Variants in LRRC8C observed in about 807,000 individuals in gnomAD.
The protein encoded by LRRC8C is volume-regulated anion channel subunit LRRC8C.
In LRRC8C, 20 loss-of-function variants were observed where a neutral mutation model predicts 55.3. The observed-to-expected ratio is 0.36, with a 90% CI of 0.25 to 0.53. The LOEUF is 0.53. LRRC8C is among the 20% of genes least tolerant of loss of function. LRRC8C has a pLI of 0.92. For missense variants in LRRC8C, 659 were observed against 951.4 expected (o/e 0.69, Z 4.04); for synonymous variants, 376 against 360.7 (o/e 1.04, Z -0.48).
rs750560887 is a variant in LRRC8C, at chr1:89,686,630, G to A, written c.138+19G>A. 6.2e-7 allele frequency: 1 copy of A among 1,613,098 alleles called. No homozygotes were observed. Among genetic ancestry groups the A allele is most frequent in the South Asian group, 1.1e-5 (1 of 91,014 alleles). ...TTTACAGGTAGGTGCCTAGATCCCTGGCAAAATGGGGGCCAGAGCAAAGCA... is the reference window on the plus strand; with the variant it reads ...TTTACAGGTAGGTGCCTAGATCCCTAGCAAAATGGGGGCCAGAGCAAAGCA... On this transcript the variant is annotated intron_variant, in intron 2 of 2. Transcript: ENST00000370454.
chr1:89,695,332 G>A (rs1658145352), intron 2 of LRRC8C, among the ~76,000 whole-genome samples: 2 of 152,182 alleles, frequency 1.3e-5, no homozygotes, highest in African/African-American at 4.8e-5. Context: ...AATAGGGTCA[G>A]CTATCTTAAA....
upstream of LRRC8C, chr1:89,632,896 C>G (rs1184768149): frequency 6.6e-6 from 1 of 152,332 alleles, no homozygotes; most frequent in Non-Finnish European, 1.5e-5. Flanking sequence ...TGGCGAGTCC[C>G]GGGAGCGAGG....
Position 89,714,868 on chromosome 1 carries a change from C to T in LRRC8C, c.2298C>T (p.Ile766=). ...YLDVKGNHFE[I]LPPELGDCRA... ...ATGTAAAAGGTAATCACTTTGAAAT[C>T]CTCCCTCCTGAACTGGGTGACTGTC... Residue 766 remains isoleucine (I), a synonymous_variant, in exon 3 of 3, where the codon ATC becomes ATT. Coordinates refer to ENST00000370454, the MANE Select transcript of LRRC8C (RefSeq NM_032270.5). This position sits in a 1 kb window ranked among gnomAD's most constrained non-coding sequence, Gnocchi z 4.6. 3 of 1,614,142 alleles carry T rather than the reference C, an allele frequency of 1.9e-6. No homozygotes were observed. Among genetic ancestry groups the T allele is most frequent in the Non-Finnish European group, 2.5e-6 (3 of 1,179,994 alleles).
intron 1 of LRRC8C, among the ~76,000 whole-genome samples, chr1:89,643,451 G>C (rs1438713002): frequency 6.6e-6 from 1 of 152,208 alleles, no homozygotes; most frequent in Non-Finnish European, 1.5e-5. Flanking sequence ...GTCTCAATGT[G>C]TATAGTAATG....
chr1:89,716,377 A>G lies in LRRC8C; in HGVS notation c.*1395A>G, dbSNP rs1658818595. On this transcript the variant is annotated 3_prime_UTR_variant, in exon 3 of 3. Transcript: ENST00000370454. ...CCTGCCCTTGCTGTGAACTAGTGCT[A>G]CAAGCACGGGAAATCCATCTGCTCT... The G allele has an allele frequency of 6.6e-6, 1 of 152,210 alleles. No homozygotes were observed. The allele number at this position is 152,210 out of a possible 1,614,324, so 9.4% of individuals were successfully genotyped here. A position where few individuals can be genotyped will look rare whatever the true frequency, so the allele number is the denominator to read the frequency against.
At chr1:89,699,273 G>T (rs1308182717) in intron 2 of LRRC8C, among the ~76,000 whole-genome samples, 3 of 152,176 alleles carry the variant, frequency 2.0e-5, no homozygotes, top group Non-Finnish European at 4.4e-5. Context: ...TTTTAGGGCA[G>T]TGAAATGACT....
At chr1:89,633,736 C>A (rs1656201696) in intron 1 of LRRC8C, among the ~76,000 whole-genome samples, 1 of 152,198 alleles carries the variant, frequency 6.6e-6, no homozygotes, top group Non-Finnish European at 1.5e-5. Flanking sequence ...CCTTTCCGGT[C>A]TATCACCCCC....
At chr1:89,694,979 T>C (rs1658132680) in intron 2 of LRRC8C, among the ~76,000 whole-genome samples, 2 of 150,768 alleles carry the variant, frequency 1.3e-5, no homozygotes, top group Middle Eastern at 3.5e-3. Context: ...TGGAGTGCAG[T>C]GGCTCAATCT....
At chr1:89,642,285 C>G (rs566742506) in intron 1 of LRRC8C, among the ~76,000 whole-genome samples, 13 of 152,284 alleles carry the variant, frequency 8.5e-5, no homozygotes, top group African/African-American at 3.1e-4. Flanking sequence ...GAGTAGATAC[C>G]AGACTAGTAT....
At chr1:89,618,534 T>C in the LRRC8C span, among the ~76,000 whole-genome samples, 4 of 152,116 alleles carry the variant, frequency 2.6e-5, no homozygotes, top group African/African-American at 9.6e-5. Context: ...TGGATAAAAC[T>C]AAAATGGGAA....
At chr1:89,708,139 G>A (rs10801771) in intron 2 of LRRC8C, among the ~76,000 whole-genome samples, 48,272 of 149,812 alleles carry the variant, frequency 0.32, 8,635 homozygotes, top group African/African-American at 0.49. Context: ...CTACATAAAG[G>A]CACCACGTAA....
chr1:89,707,635 GGTGTGTGTGTGTGTGAGT>G, intron 2 of LRRC8C, among the ~76,000 whole-genome samples: 1 of 140,916 alleles, frequency 7.1e-6, no homozygotes, highest in African/African-American at 2.6e-5. Flanking sequence ...AGGTGTGGCT[GGTGTGTGTGTGTGTGAGT>G]GTGTGTGTGT....
the LRRC8C span, among the ~76,000 whole-genome samples, chr1:89,620,064 G>T: frequency 6.6e-6 from 1 of 152,292 alleles, no homozygotes; most frequent in Admixed American, 6.5e-5. Flanking sequence ...AGGCTGAGAA[G>T]TTCGGGTCAA....
intron 2 of LRRC8C, among the ~76,000 whole-genome samples, chr1:89,706,667 T>A (rs961816349): frequency 2.6e-5 from 4 of 152,154 alleles, no homozygotes; most frequent in Non-Finnish European, 5.9e-5. Flanking sequence ...TTGTTACCAT[T>A]TAAAACATTT....
rs764225757 is a variant in LRRC8C, at chr1:89,713,939, G to T, written c.1369G>T (p.Val457Leu). ...TCTAAAACTTGAAATCATTAAGAACGTAATGATACCAGCCACCATTGCACA... is the reference window on the plus strand; with the variant it reads ...TCTAAAACTTGAAATCATTAAGAACTTAATGATACCAGCCACCATTGCACA... ...QSLKLEIIKN[V>L]MIPATIAQLD... Residue 457 changes from valine to leucine, a missense_variant, in exon 3 of 3, where the codon GTA (valine) becomes TTA (leucine). Physicochemically the swap from Val to Leu is conservative, Grantham distance 32 (BLOSUM62 1). This residue lies in a region of LRRC8C where 344 missense variants were observed against 464.6 expected (regional missense o/e 0.74). Transcript: ENST00000370454. This position sits in a 1 kb window ranked among gnomAD's most constrained non-coding sequence, Gnocchi z 5.2. The T allele has an allele frequency of 1.5e-5, 25 of 1,613,430 alleles. No individual in the cohort carries two copies. The African/African-American group carries it at 3.1e-4, about 20-fold the overall frequency.
chr1:89,622,137 G>C, the LRRC8C span, among the ~76,000 whole-genome samples: 3 of 152,130 alleles, frequency 2.0e-5, no homozygotes. Flanking sequence ...TTTTAAGATA[G>C]AAAGGGCGTG....
chr1:89,651,204 G>A lies in LRRC8C; in HGVS notation c.-5+17882G>A, dbSNP rs1036569043. On this transcript the variant is annotated intron_variant, in intron 1 of 2. Transcript: ENST00000370454. The stretch of plus-strand genomic sequence containing the variant: ...CATGCATTTTGAGTTAGTGCAAACT[G>A]TTTTGGTATGGCCCACTTGCTGAGA... 3.9e-5 allele frequency among the ~76,000 whole-genome samples: 6 copies of A among 152,164 alleles called. No individual in the cohort carries two copies. The East Asian group carries it at 9.6e-4, about 24-fold the overall frequency.
intron 2 of LRRC8C, among the ~76,000 whole-genome samples, chr1:89,706,570 G>T (rs899938000): frequency 2.6e-5 from 4 of 152,016 alleles, no homozygotes; most frequent in Non-Finnish European, 4.4e-5. Context: ...CTATTAAAAG[G>T]CCCGAATTTC....
intron 2 of LRRC8C, among the ~76,000 whole-genome samples, chr1:89,700,497 A>T (rs1658288676): frequency 6.6e-6 from 1 of 152,228 alleles, no homozygotes; most frequent in South Asian, 2.1e-4. Flanking sequence ...TTTCAACGGC[A>T]AAAACCACAA....
Sources: gnomAD v4.1 joint callset for allele counts (sites outside exome capture counted in the v4.1 genomes callset) on GRCh38, gnomAD v4.1.1 for gene constraint, gnomAD v4.1.1 regional missense constraint, Gnocchi (gnomAD v3.1) non-coding constraint, MANE v1.5 for transcripts, NCBI Gene and HGNC (gene_info 2026-07-23, HGNC 2026-07-21) for gene names.